Variants in SIRPA observed in about 807,000 individuals in gnomAD.
SIRPA encodes tyrosine-protein phosphatase non-receptor type substrate 1.
In SIRPA, 9 loss-of-function variants were observed where a neutral mutation model predicts 50.3. The ratio of observed to expected loss-of-function variants is 0.18; its 90% CI spans 0.11 to 0.31. The LOEUF (loss-of-function observed/expected upper bound fraction) is 0.31. Among genes scored for constraint, SIRPA ranks in the 10% least tolerant of loss-of-function variants. The pLI, the probability that SIRPA is intolerant of heterozygous loss-of-function variation, is 1.00. For missense variants in SIRPA, 474 were observed against 661.6 expected, an observed-to-expected ratio of 0.72 and a Z score of 3.11; for synonymous variants, 265 against 284.1, an observed-to-expected ratio of 0.93 and a Z score of 0.68.
chr20:1,935,607 T>G (rs1268183814), intron 7 of SIRPA, among the ~76,000 whole-genome samples: 1 of 152,228 alleles, frequency 6.6e-6, no homozygotes, highest in Non-Finnish European at 1.5e-5. Context: ...CAATTTCCAG[T>G]CATGAGCGAG....
At chr20:1,917,776 G>C (rs779330205) in intron 2 of SIRPA, among the ~76,000 whole-genome samples, 3 of 152,174 alleles carry the variant, frequency 2.0e-5, no homozygotes, top group Non-Finnish European at 2.9e-5. Context: ...GTGGGTGCTT[G>C]GGGCTCATTG....
intron 1 of SIRPA, among the ~76,000 whole-genome samples, chr20:1,912,947 C>T (rs1159553522): frequency 6.6e-6 from 1 of 152,224 alleles, no homozygotes; most frequent in Non-Finnish European, 1.5e-5. Flanking sequence ...TCCCGGGCCT[C>T]CCACACATTT....
chr20:1,927,983 T>C lies in SIRPA; in HGVS notation c.1226+84T>C. The C allele has an allele frequency of 9.8e-6, 11 of 1,123,116 alleles. No individual in the cohort carries two copies. The highest frequency in any genetic ancestry group is 1.4e-5 in the Non-Finnish European group (10 of 731,892). 69.6% of individuals were successfully genotyped at this position (1,123,116 alleles called of 1,614,324 possible). Reference sequence around the variant, plus strand: ...CCCAGACTACAAAGCATAATCCATGTCCACTGACCTCACCAATGTGTTGGT... The same window carrying C: ...CCCAGACTACAAAGCATAATCCATGCCCACTGACCTCACCAATGTGTTGGT... On this transcript the variant is annotated intron_variant, in intron 6 of 7. Transcript: ENST00000358771. This position sits in a 1 kb window ranked among gnomAD's most constrained non-coding sequence, Gnocchi z 6.5.
chr20:1,909,065 G>A (rs1227546506), intron 1 of SIRPA, among the ~76,000 whole-genome samples: 3 of 152,336 alleles, frequency 2.0e-5, no homozygotes, highest in South Asian at 2.1e-4. Flanking sequence ...GTGGAAAATC[G>A]CAGCCTTCTG....
rs1240148100 is a variant in SIRPA, at chr20:1,927,850, G to C, written c.1202-25G>C. On this transcript the variant is annotated intron_variant, in intron 5 of 7. Transcript: ENST00000358771. This position sits in a 1 kb window ranked among gnomAD's most constrained non-coding sequence, Gnocchi z 6.5. ...AAAGTGTGCTTCTAGTTAAACAACTGGCTTTTGTTTCTTTTGTCTTTCAGC... is the reference window on the plus strand; with the variant it reads ...AAAGTGTGCTTCTAGTTAAACAACTCGCTTTTGTTTCTTTTGTCTTTCAGC... 4 of 1,613,136 alleles carry C rather than the reference G, an allele frequency of 2.5e-6. No individual in the cohort carries two copies. The highest frequency in any genetic ancestry group is 2.5e-6 in the Non-Finnish European group (3 of 1,179,060).
intron 1 of SIRPA, among the ~76,000 whole-genome samples, chr20:1,913,334 G>C (rs4813324): frequency 0.41 from 61,774 of 151,660 alleles, 12,808 homozygotes; most frequent in East Asian, 0.66. Context: ...AGATAGCCCT[G>C]GGCTTCCTGC....
intron 1 of SIRPA, among the ~76,000 whole-genome samples, chr20:1,904,565 C>T (rs1485155824): frequency 6.6e-6 from 1 of 152,236 alleles, no homozygotes; most frequent in Non-Finnish European, 1.5e-5. Flanking sequence ...GGCGACAGCC[C>T]TGTCTTACTG....
intron 1 of SIRPA, among the ~76,000 whole-genome samples, chr20:1,896,027 C>G (rs566550335): frequency 1.1e-4 from 16 of 152,212 alleles, no homozygotes; most frequent in Non-Finnish European, 2.2e-4. Context: ...TGAGCCCTCC[C>G]TCTGGTGCGC....
intron 1 of SIRPA, among the ~76,000 whole-genome samples, chr20:1,895,774 T>C (rs1346790707): frequency 2.6e-5 from 4 of 152,190 alleles, no homozygotes; most frequent in Admixed American, 2.6e-4. Context: ...CTCTGTGCAC[T>C]GTGCTGGGCA....
At chr20:1,909,249 C>T (rs543300013) in intron 1 of SIRPA, among the ~76,000 whole-genome samples, 46 of 152,352 alleles carry the variant, frequency 3.0e-4, no homozygotes, top group African/African-American at 1.1e-3. Context: ...TGGCCTCCTG[C>T]CTGTCCCTGT....
chr20:1,896,624 G>A (rs1249005921), intron 1 of SIRPA, among the ~76,000 whole-genome samples: 4 of 151,960 alleles, frequency 2.6e-5, no homozygotes, highest in African/African-American at 9.7e-5. Flanking sequence ...CCCCTTTTGC[G>A]TTTGACTAGA....
intron 1 of SIRPA, among the ~76,000 whole-genome samples, chr20:1,914,185 C>T (rs1369809039): frequency 1.3e-5 from 2 of 152,088 alleles, no homozygotes; most frequent in Admixed American, 6.5e-5. Flanking sequence ...TGTGTGATCT[C>T]GTTTTCTTTT....
In SIRPA at chr20:1,922,536, T is replaced by C. The variant is rs921409505; in HGVS notation, c.978T>C (p.Asp326=). The change falls in exon 4 of 8, where the codon GAT becomes GAC. Residue 326 remains aspartate, a synonymous_variant. Coordinates refer to ENST00000358771, the MANE Select transcript of SIRPA (RefSeq NM_001040023.2). The part of the protein sequence containing the change: ...LLVNVSAHRD[D]VKLTCQVEHD... The stretch of plus-strand genomic sequence containing the variant: ...TGAATGTATCTGCCCACAGGGATGA[T>C]GTGAAGCTCACCTGCCAGGTGGAGC... 1.2e-6 allele frequency: 2 copies of C among 1,614,144 alleles called. No homozygotes were observed. The highest frequency in any genetic ancestry group is 1.7e-6 in the Non-Finnish European group (2 of 1,180,018).
At position 1,936,732 on chromosome 20, in the gene SIRPA, C is replaced by T. The variant is rs528020932; in HGVS notation, c.1267-588C>T. 2.0e-5 allele frequency among the ~76,000 whole-genome samples: 3 copies of T among 152,262 alleles called. No individual in the cohort carries two copies. The highest frequency in any genetic ancestry group is 6.5e-5 in the Admixed American group (1 of 15,288). On this transcript the variant is annotated intron_variant, in intron 7 of 7. Coordinates refer to ENST00000358771, the MANE Select transcript of SIRPA (RefSeq NM_001040023.2). This position sits in a 1 kb window ranked among gnomAD's most constrained non-coding sequence, Gnocchi z 4.2. ...GCCCAGTGAATATTTGTGGAATAAACGCATACATTAATGAATGTCCCCACA... is the reference window on the plus strand; with the variant it reads ...GCCCAGTGAATATTTGTGGAATAAATGCATACATTAATGAATGTCCCCACA...
At position 1,927,297 on chromosome 20, in the gene SIRPA, T is replaced by A. The variant is rs1463956791; in HGVS notation, c.1202-578T>A. On this transcript the variant is annotated intron_variant, in intron 5 of 7. Transcript: ENST00000358771. The surrounding 1 kb of genome is among the most constrained non-coding windows in gnomAD (Gnocchi z 6.5). ...TACCCCATATCACAGGTTTAAAACC[T>A]CTGAACCAGATGGACACTTTCTTTC... Among the ~76,000 whole-genome samples the A allele has an allele frequency of 6.6e-6, 1 of 152,230 alleles. No homozygotes were observed. The highest frequency in any genetic ancestry group is 2.4e-5 in the African/African-American group (1 of 41,456).
Position 1,937,195 on chromosome 20 carries a change from T to C in SIRPA, c.1267-125T>C, listed in dbSNP as rs868259270. On this transcript the variant is annotated intron_variant, in intron 7 of 7. Transcript: ENST00000358771. The surrounding 1 kb of genome is among the most constrained non-coding windows in gnomAD (Gnocchi z 8.3). ...CAAGAGATGAGGGGAACATGACTTATGGCTGAGCCAGTGTGGGCCGAGAGG... is the reference window on the plus strand; with the variant it reads ...CAAGAGATGAGGGGAACATGACTTACGGCTGAGCCAGTGTGGGCCGAGAGG... 14 of 1,173,594 alleles carry C rather than the reference T, an allele frequency of 1.2e-5. No individual in the cohort carries two copies. The highest frequency in any genetic ancestry group is 4.8e-5 in the East Asian group (2 of 42,074). 72.7% of individuals were successfully genotyped at this position (1,173,594 alleles called of 1,614,324 possible).
rs1456779931 is a variant in SIRPA at position 1,937,437 on chromosome 20, C to T, written c.1384C>T (p.Pro462Ser). The T allele has an allele frequency of 1.9e-6, 3 of 1,614,024 alleles. No individual in the cohort carries two copies. The highest frequency in any genetic ancestry group is 2.5e-6 in the Non-Finnish European group (3 of 1,180,026). The change falls in exon 8 of 8, where the codon CCC (proline) becomes TCC (serine). Residue 462 changes from proline to serine, a missense_variant. This residue lies in a region of SIRPA where 180 missense variants were observed against 206.7 expected (regional missense o/e 0.87). Transcript: ENST00000358771. The surrounding 1 kb of genome is among the most constrained non-coding windows in gnomAD (Gnocchi z 8.3). ...EYASIQTSPQ[P>S]ASEDTLTYAD... ...TGCCAGCATTCAGACCAGCCCGCAGCCCGCGTCGGAGGACACCCTCACCTA... is the reference window on the plus strand; with the variant it reads ...TGCCAGCATTCAGACCAGCCCGCAGTCCGCGTCGGAGGACACCCTCACCTA...
intron 5 of SIRPA, among the ~76,000 whole-genome samples, chr20:1,926,275 C>T (rs1985973361): frequency 6.6e-6 from 1 of 152,262 alleles, no homozygotes; most frequent in Non-Finnish European, 1.5e-5. Context: ...TGGAGAGCCC[C>T]ACACAGGGAG....
In SIRPA at chr20:1,937,215, G is replaced by A. The variant is rs762104100; in HGVS notation, c.1267-105G>A. ...ACTTATGGCTGAGCCAGTGTGGGCC[G>A]AGAGGACACAGAAGCATCCAGACTT... On this transcript the variant is annotated intron_variant, in intron 7 of 7. Coordinates refer to ENST00000358771, the MANE Select transcript of SIRPA (RefSeq NM_001040023.2). This position sits in a 1 kb window ranked among gnomAD's most constrained non-coding sequence, Gnocchi z 8.3. The A allele has an allele frequency of 4.5e-5, 62 of 1,370,374 alleles. No individual in the cohort carries two copies. Among genetic ancestry groups the A allele is most frequent in the South Asian group, 1.6e-4 (12 of 75,594 alleles). 84.9% of individuals were successfully genotyped at this position (1,370,374 alleles called of 1,614,324 possible). A position where few individuals can be genotyped will look rare whatever the true frequency, so the allele number is the denominator to read the frequency against.
Sources: allele counts gnomAD v4.1 joint callset (sites outside exome capture counted in the v4.1 genomes callset), GRCh38; gene constraint gnomAD v4.1.1; regional missense constraint gnomAD v4.1.1; non-coding constraint Gnocchi (gnomAD v3.1); transcripts MANE v1.5; gene names NCBI Gene and HGNC (gene_info 2026-07-23, HGNC 2026-07-21).